The following ZMAT4 variants were observed in gnomAD, a reference collection of about 807,000 sequenced individuals.
The protein encoded by ZMAT4 is zinc finger matrin-type 4.
ZMAT4 carries 17 observed loss-of-function variants against 28.7 expected under a neutral mutation model. That is an observed-to-expected ratio of 0.59 (90% CI 0.41 to 0.89). The LOEUF is 0.89. ZMAT4 is among the 40% of genes least tolerant of loss of function. The pLI is 0.00. For synonymous variants in ZMAT4, 117 were observed against 109.2 expected, an observed-to-expected ratio of 1.07 and a Z score of -0.44; for missense variants, 240 against 283.8, an observed-to-expected ratio of 0.85 and a Z score of 1.11.
At chr8:40,838,428 A>G (rs1217088517) in intron 1 of ZMAT4, among the ~76,000 whole-genome samples, 2 of 152,080 alleles carry the variant, frequency 1.3e-5, no homozygotes, top group African/African-American at 4.8e-5. Context: ...CTGTAGCCTC[A>G]ACCTCCTGGG....
chr8:40,687,236 A>G (rs950618313), intron 4 of ZMAT4, among the ~76,000 whole-genome samples: 1 of 152,204 alleles, frequency 6.6e-6, no homozygotes, highest in Non-Finnish European at 1.5e-5. Flanking sequence ...CACTTGAGAC[A>G]CATAGAAGGT....
At chr8:40,545,763 G>T (rs1180138305) in intron 6 of ZMAT4, among the ~76,000 whole-genome samples, 1 of 151,932 alleles carries the variant, frequency 6.6e-6, no homozygotes, top group African/African-American at 2.4e-5. Flanking sequence ...CCAGAATTGC[G>T]AGAGAATCCA....
intron 1 of ZMAT4, among the ~76,000 whole-genome samples, chr8:40,866,299 T>C (rs1024393789): frequency 6.6e-6 from 1 of 152,216 alleles, no homozygotes; most frequent in African/African-American, 2.4e-5. Flanking sequence ...CTGCACACAA[T>C]GCTGGTGCCC....
intron 2 of ZMAT4, among the ~76,000 whole-genome samples, chr8:40,816,670 T>C (rs1398390545): frequency 6.6e-6 from 1 of 152,194 alleles, no homozygotes; most frequent in African/African-American, 2.4e-5. Context: ...GGTTCTATTC[T>C]AGGACTTCTA....
intron 1 of ZMAT4, among the ~76,000 whole-genome samples, chr8:40,829,173 G>C (rs1427944486): frequency 6.6e-6 from 1 of 152,176 alleles, no homozygotes; most frequent in Non-Finnish European, 1.5e-5. Flanking sequence ...GGATACAAGA[G>C]TAGGGGAAGA....
chr8:40,571,609 G>T (rs1804101606), intron 6 of ZMAT4, among the ~76,000 whole-genome samples: 2 of 152,106 alleles, frequency 1.3e-5, no homozygotes. Context: ...ATAGTCCTTA[G>T]CTAGAAAGAC....
At chr8:40,791,069 T>C (rs1310511596) in intron 2 of ZMAT4, among the ~76,000 whole-genome samples, 1 of 152,266 alleles carries the variant, frequency 6.6e-6, no homozygotes, top group Non-Finnish European at 1.5e-5. Context: ...CTGAAGCAAC[T>C]GGATATCCAT....
chr8:40,889,685 A>G (rs949983745), intron 1 of ZMAT4, among the ~76,000 whole-genome samples: 2 of 152,154 alleles, frequency 1.3e-5, no homozygotes, highest in Non-Finnish European at 1.5e-5. Context: ...ATTTTCCCAT[A>G]TTCTTATGTA....
chr8:40,809,710 G>T (rs143668818), intron 2 of ZMAT4, among the ~76,000 whole-genome samples: 144 of 152,206 alleles, frequency 9.5e-4, no homozygotes, highest in African/African-American at 3.2e-3. Context: ...TGAATAGATA[G>T]ATAGATACCC....
chr8:40,778,329 G>A (rs559837271), intron 2 of ZMAT4, among the ~76,000 whole-genome samples: 15 of 152,222 alleles, frequency 9.9e-5, no homozygotes, highest in Middle Eastern at 3.4e-3. Context: ...AGTGATCAGC[G>A]AATTCTATAA....
At chr8:40,540,412 C>T (rs1232200219) in intron 6 of ZMAT4, among the ~76,000 whole-genome samples, 1 of 152,128 alleles carries the variant, frequency 6.6e-6, no homozygotes. Context: ...ACAAGGACCC[C>T]ATCTTTAGCT....
intron 5 of ZMAT4, among the ~76,000 whole-genome samples, chr8:40,639,055 G>A (rs1015285192): frequency 4.6e-5 from 7 of 152,104 alleles, no homozygotes; most frequent in African/African-American, 9.7e-5. Context: ...GCCAACCTTC[G>A]GCCAGGTCCA....
chr8:40,851,096 G>C (rs542774343), intron 1 of ZMAT4, among the ~76,000 whole-genome samples: 1 of 152,132 alleles, frequency 6.6e-6, no homozygotes, highest in Non-Finnish European at 1.5e-5. Flanking sequence ...GGAGACCGCG[G>C]TAGGCAGATC....
chr8:40,874,265 C>T (rs1817963190), intron 1 of ZMAT4, among the ~76,000 whole-genome samples: 1 of 152,200 alleles, frequency 6.6e-6, no homozygotes, highest in African/African-American at 2.4e-5. Context: ...CCCACACTGG[C>T]CACACCCGTC....
intron 5 of ZMAT4, among the ~76,000 whole-genome samples, chr8:40,595,185 C>A (rs1452177770): frequency 1.3e-5 from 2 of 152,230 alleles, no homozygotes; most frequent in Non-Finnish European, 2.9e-5. Flanking sequence ...ACAACCTCTG[C>A]GAACAATGCC....
At chr8:40,594,845 A>G (rs1424565559) in intron 5 of ZMAT4, among the ~76,000 whole-genome samples, 2 of 152,182 alleles carry the variant, frequency 1.3e-5, no homozygotes, top group Admixed American at 6.5e-5. Context: ...GCTTCCTTAT[A>G]TACTAATCAT....
intron 3 of ZMAT4, among the ~76,000 whole-genome samples, chr8:40,729,248 C>T (rs1466898498): frequency 6.6e-6 from 1 of 152,136 alleles, no homozygotes; most frequent in African/African-American, 2.4e-5. Flanking sequence ...ATTCTGTACT[C>T]TAGGAGGTAC....
chr8:40,684,210 A>T (rs1809299736), intron 4 of ZMAT4, among the ~76,000 whole-genome samples: 1 of 152,254 alleles, frequency 6.6e-6, no homozygotes, highest in Non-Finnish European at 1.5e-5. Flanking sequence ...GTACAGAGAC[A>T]TTAAGACTGT....
intron 6 of ZMAT4, among the ~76,000 whole-genome samples, chr8:40,567,457 A>G (rs909257179): frequency 3.9e-5 from 6 of 152,110 alleles, no homozygotes; most frequent in Non-Finnish European, 7.4e-5. Flanking sequence ...AAAGCCAGGC[A>G]TGGTGGCTCA....
Sources: allele counts gnomAD v4.1 joint callset (sites outside exome capture counted in the v4.1 genomes callset), GRCh38; gene constraint gnomAD v4.1.1; transcripts MANE v1.5; gene names NCBI Gene and HGNC (gene_info 2026-07-23, HGNC 2026-07-21).